The following ADCY1 variants were observed in gnomAD, a reference collection of about 807,000 sequenced individuals.
The protein encoded by ADCY1 is adenylate cyclase 1.
A neutral mutation model predicts 105.4 loss-of-function variants in ADCY1; 28 were observed. The observed-to-expected ratio is 0.27, with a 90% CI of 0.20 to 0.36. ADCY1 has a LOEUF of 0.36. ADCY1 is among the 10% of genes least tolerant of loss of function. ADCY1 has a pLI of 1.00. For missense variants in ADCY1, 977 were observed against 1,434.2 expected, an observed-to-expected ratio of 0.68 and a Z score of 5.15; for synonymous variants, 655 against 623.8, an observed-to-expected ratio of 1.05 and a Z score of -0.75.
At chr7:45,639,459 C>G (rs111628035) in intron 4 of ADCY1, among the ~76,000 whole-genome samples, 1 of 152,170 alleles carries the variant, frequency 6.6e-6, no homozygotes, top group Non-Finnish European at 1.5e-5. Flanking sequence ...GTTCCTTCAT[C>G]CATTTCCAGA....
At position 45,622,693 on chromosome 7, in the gene ADCY1, C is replaced by A; in HGVS notation, c.970C>A (p.Leu324Met). 1 of 1,609,668 alleles carries A rather than the reference C, an allele frequency of 6.2e-7. No individual in the cohort carries two copies. Among genetic ancestry groups the A allele is most frequent in the Non-Finnish European group, 8.5e-7 (1 of 1,179,296 alleles). The part of the protein sequence containing the change: ...GLASQCTAQE[L>M]VKLLNELFGK... ...GGCATCCCAGTGCACAGCCCAGGAG[C>A]TGGTGAAACTCCTCAATGAGCTCTT... The change falls in exon 4 of 20, where the codon CTG becomes ATG. Residue 324 changes from leucine to methionine, a missense_variant. Physicochemically the swap from Leu to Met is conservative, Grantham distance 15. This residue lies in a region of ADCY1 where 196 missense variants were observed against 347.8 expected (regional missense o/e 0.56). Coordinates refer to ENST00000297323, the MANE Select transcript of ADCY1 (RefSeq NM_021116.4).
At chr7:45,709,982 C>A (rs751076778) in intron 18 of ADCY1, among the ~76,000 whole-genome samples, 3 of 152,216 alleles carry the variant, frequency 2.0e-5, no homozygotes, top group Non-Finnish European at 4.4e-5. Flanking sequence ...CAGTTGGACA[C>A]TGAGCTACAA....
intron 3 of ADCY1, among the ~76,000 whole-genome samples, chr7:45,617,749 G>A (rs1445855966): frequency 1.3e-5 from 2 of 152,090 alleles, no homozygotes; most frequent in Non-Finnish European, 2.9e-5. Flanking sequence ...ACATAAAAAT[G>A]GAAAGACATT....
intron 3 of ADCY1, among the ~76,000 whole-genome samples, chr7:45,618,516 A>G (rs1166145466): frequency 6.6e-6 from 1 of 152,190 alleles, no homozygotes; most frequent in Non-Finnish European, 1.5e-5. Context: ...AAGGAACTCA[A>G]TAGCAAGAAA....
intron 14 of ADCY1, among the ~76,000 whole-genome samples, chr7:45,698,356 C>T (rs553401005): frequency 1.3e-5 from 2 of 152,356 alleles, no homozygotes; most frequent in African/African-American, 4.8e-5. Context: ...ATTAAGATTT[C>T]TCTTTAATGT....
chr7:45,611,411 T>C (rs1327098296), intron 3 of ADCY1, among the ~76,000 whole-genome samples: 2 of 152,142 alleles, frequency 1.3e-5, no homozygotes, highest in Non-Finnish European at 2.9e-5. Flanking sequence ...AATCTGTCCC[T>C]AAACCTGGCT....
chr7:45,706,972 T>C (rs201694712), intron 17 of ADCY1, among the ~76,000 whole-genome samples: 1 of 152,168 alleles, frequency 6.6e-6, no homozygotes, highest in African/African-American at 2.4e-5. Flanking sequence ...CATTGTATGT[T>C]TTTAGGGCTT....
intron 1 of ADCY1, among the ~76,000 whole-genome samples, chr7:45,577,918 C>T (rs1012009060): frequency 2.6e-5 from 4 of 152,224 alleles, no homozygotes; most frequent in South Asian, 2.1e-4. Context: ...AAAAAGCCTG[C>T]GCTTTCTGAG....
At chr7:45,601,467 G>A (rs987121629) in intron 2 of ADCY1, among the ~76,000 whole-genome samples, 1 of 152,126 alleles carries the variant, frequency 6.6e-6, no homozygotes, top group Non-Finnish European at 1.5e-5. Context: ...ATCAGGGCCT[G>A]CTGTCCACCC....
intron 14 of ADCY1, among the ~76,000 whole-genome samples, chr7:45,687,152 G>A (rs1784697044): frequency 6.6e-6 from 1 of 152,194 alleles, no homozygotes; most frequent in Non-Finnish European, 1.5e-5. Context: ...CATGTACCCT[G>A]GGAAATTCTG....
At chr7:45,670,840 G>A (rs1024033239) in intron 8 of ADCY1, among the ~76,000 whole-genome samples, 3 of 152,280 alleles carry the variant, frequency 2.0e-5, no homozygotes, top group African/African-American at 7.2e-5. Flanking sequence ...ACTTAAGGCT[G>A]GACATGTGTC....
rs1792277684 is a variant in ADCY1, at chr7:45,574,772, C to T, written c.229C>T (p.Leu77=). Residue 77 remains leucine (L), a synonymous_variant, in exon 1 of 20, where the codon CTG becomes TTG. Coordinates refer to ENST00000297323, the MANE Select transcript of ADCY1 (RefSeq NM_021116.4). This position sits in a 1 kb window ranked among gnomAD's most constrained non-coding sequence, Gnocchi z 7.0. ...CAGCCTGCTGGCGGGCGCGCTGGCG[C>T]TGGCCGAGCTGCTGGGCGCGCCGGG... ...VLSLLAGALA[L]AELLGAPGPA... The T allele has an allele frequency of 1.4e-6, 2 of 1,478,262 alleles. No homozygotes were observed. Among genetic ancestry groups the T allele is most frequent in the African/African-American group, 3.0e-5 (2 of 67,682 alleles). The allele number at this position is 1,478,262 out of a possible 1,614,324, so 91.6% of individuals were successfully genotyped here.
chr7:45,695,615 C>T (rs1311939977), intron 14 of ADCY1, among the ~76,000 whole-genome samples: 1 of 152,188 alleles, frequency 6.6e-6, no homozygotes, highest in East Asian at 1.9e-4. Flanking sequence ...GCATGTGTGG[C>T]TGGAGGGTTT....
chr7:45,666,200 T>G (rs1228910605), intron 8 of ADCY1, among the ~76,000 whole-genome samples: 1 of 152,180 alleles, frequency 6.6e-6, no homozygotes, highest in Non-Finnish European at 1.5e-5. Flanking sequence ...GTTAGTTACA[T>G]ATGTATACAT....
chr7:45,683,538 C>T (rs1562722248), intron 11 of ADCY1, among the ~76,000 whole-genome samples: 1 of 152,150 alleles, frequency 6.6e-6, no homozygotes, highest in Non-Finnish European at 1.5e-5. Flanking sequence ...GCCATAGGTA[C>T]AGGCTGGGAG....
chr7:45,695,656 C>T (rs546680966), intron 14 of ADCY1, among the ~76,000 whole-genome samples: 6 of 152,312 alleles, frequency 3.9e-5, no homozygotes, highest in South Asian at 4.1e-4. Context: ...GTTAGAAGGA[C>T]GCAGCATAAC....
At chr7:45,660,290 G>A (rs1195005393) in intron 7 of ADCY1, 107 bp downstream of exon 7, 1 of 1,463,206 alleles carries the variant, frequency 6.8e-7, no homozygotes, top group African/African-American at 1.4e-5. Flanking sequence ...TGCTTCTCTG[G>A]GCTGTGAACT....
intron 14 of ADCY1, among the ~76,000 whole-genome samples, chr7:45,693,857 T>G (rs1784827261): frequency 7.3e-6 from 1 of 136,872 alleles, no homozygotes; most frequent in Non-Finnish European, 1.5e-5. Flanking sequence ...CAGTAAACTA[T>G]CGCAAGAACA....
rs1363317317 is a variant in ADCY1, at chr7:45,704,531, A to T, written c.2732A>T (p.Asp911Val). ...IADFDELMEK[D>V]FYKDIEKIKT... ...TTTTAAACAAAGCTCATGGAAAAAG[A>T]CTTTTACAAGGACATAGAGAAGATC... The change falls in exon 17 of 20, where the codon GAC becomes GTC. Residue 911 changes from aspartate to valine, a missense_variant. Asp to Val is a radical substitution (Grantham distance 152). This residue lies in a region of ADCY1 where 152 missense variants were observed against 293.7 expected (regional missense o/e 0.52). Transcript: ENST00000297323. 2.5e-6 allele frequency: 4 copies of T among 1,614,114 alleles called. No individual in the cohort carries two copies. The highest frequency in any genetic ancestry group is 3.4e-6 in the Non-Finnish European group (4 of 1,179,954).
Sources: allele counts gnomAD v4.1 joint callset (sites outside exome capture counted in the v4.1 genomes callset), GRCh38; gene constraint gnomAD v4.1.1; regional missense constraint gnomAD v4.1.1; non-coding constraint Gnocchi (gnomAD v3.1); transcripts MANE v1.5; gene names NCBI Gene and HGNC (gene_info 2026-07-23, HGNC 2026-07-21).